B4GALT1: variants seen among roughly 807,000 people sequenced by gnomAD.
The protein encoded by B4GALT1 is beta-1,4-galactosyltransferase 1.
A neutral mutation model predicts 34.9 loss-of-function variants in B4GALT1; 16 were observed. That is an observed-to-expected ratio of 0.46 (90% CI 0.31 to 0.70). The LOEUF (loss-of-function observed/expected upper bound fraction) is 0.70. B4GALT1 is among the 30% of genes least tolerant of loss of function. The pLI, the probability that B4GALT1 is intolerant of heterozygous loss-of-function variation, is 0.05. For synonymous variants in B4GALT1, 221 were observed against 218.1 expected (o/e 1.01, Z -0.12); for missense variants, 445 against 530.5 (o/e 0.84, Z 1.58).
the B4GALT1 span, among the ~76,000 whole-genome samples, chr9:33,184,446 G>C: frequency 1.3e-5 from 2 of 152,128 alleles, no homozygotes; most frequent in Non-Finnish European, 2.9e-5. Flanking sequence ...AACTGCATTT[G>C]ATAAGCTCTG....
chr9:33,156,204 G>C (rs1840591524), intron 1 of B4GALT1, among the ~76,000 whole-genome samples: 1 of 151,990 alleles, frequency 6.6e-6, no homozygotes, highest in African/African-American at 2.4e-5. Context: ...CCTGATGTGG[G>C]CTCACTGCAA....
At chr9:33,137,214 G>A (rs1048023985) in intron 1 of B4GALT1, among the ~76,000 whole-genome samples, 1 of 152,202 alleles carries the variant, frequency 6.6e-6, no homozygotes, top group African/African-American at 2.4e-5. Context: ...AGCTCTGTCT[G>A]TCTCCCTCCC....
chr9:33,182,677 C>T, the B4GALT1 span, among the ~76,000 whole-genome samples: 13 of 152,268 alleles, frequency 8.5e-5, no homozygotes, highest in South Asian at 1.2e-3. Context: ...AACTTCTCCC[C>T]GCTATATTCA....
At chr9:33,158,905 G>T (rs1344918870) in intron 1 of B4GALT1, among the ~76,000 whole-genome samples, 1 of 152,228 alleles carries the variant, frequency 6.6e-6, no homozygotes, top group Non-Finnish European at 1.5e-5. Flanking sequence ...ATGAGGAAAT[G>T]AGTCCCTGTT....
chr9:33,115,259 A>G (rs1839922737), intron 4 of B4GALT1, among the ~76,000 whole-genome samples: 1 of 152,258 alleles, frequency 6.6e-6, no homozygotes, highest in South Asian at 2.1e-4. Context: ...ACTGCAATTT[A>G]GAAAGGCTGC....
intron 1 of B4GALT1, among the ~76,000 whole-genome samples, chr9:33,149,274 T>A (rs1564050272): frequency 6.6e-6 from 1 of 151,758 alleles, no homozygotes; most frequent in South Asian, 2.1e-4. Context: ...TAAAAAATTT[T>A]TTTATTTATT....
chr9:33,166,627 T>G, intron 1 of B4GALT1, 131 bp downstream of exon 1: 1 of 1,145,612 alleles, frequency 8.7e-7, no homozygotes, highest in Non-Finnish European at 1.2e-6. Context: ...TGTCTGGGAT[T>G]TAAAACTCTG....
chr9:33,178,931 G>A, the B4GALT1 span: 5 of 152,234 alleles, frequency 3.3e-5, no homozygotes, highest in African/African-American at 1.2e-4. Context: ...TCTGCTTAAG[G>A]ATGTAGTAGC....
downstream of B4GALT1, among the ~76,000 whole-genome samples, chr9:33,107,809 C>T (rs1025414333): frequency 1.3e-5 from 2 of 152,132 alleles, no homozygotes; most frequent in Non-Finnish European, 2.9e-5. Flanking sequence ...AAACCTCTTT[C>T]CCTCCCCAAG....
chr9:33,155,977 A>C (rs1263415051), intron 1 of B4GALT1, among the ~76,000 whole-genome samples: 3 of 152,298 alleles, frequency 2.0e-5, no homozygotes, highest in African/African-American at 7.2e-5. Context: ...CTCTGACCTA[A>C]TTCAGTGGGC....
At chr9:33,164,835 G>C (rs1473962074) in intron 1 of B4GALT1, among the ~76,000 whole-genome samples, 1 of 152,146 alleles carries the variant, frequency 6.6e-6, no homozygotes, top group Non-Finnish European at 1.5e-5. Flanking sequence ...TTCTGGCCTG[G>C]AGACTCAGTC....
intron 1 of B4GALT1, among the ~76,000 whole-genome samples, chr9:33,151,880 G>A (rs972398726): frequency 1.1e-4 from 17 of 152,172 alleles, no homozygotes; most frequent in African/African-American, 3.9e-4. Context: ...TTTTGCTGTC[G>A]AAGCCAAGTT....
chr9:33,150,233 T>TACACACACACACAC (rs10701535), intron 1 of B4GALT1, among the ~76,000 whole-genome samples: 18 of 138,170 alleles, frequency 1.3e-4, no homozygotes, highest in Middle Eastern at 3.5e-3. Flanking sequence ...TACAGGTAGA[T>TACACACACACACAC]ACACACACAC....
downstream of B4GALT1, among the ~76,000 whole-genome samples, chr9:33,106,033 T>G (rs943379766): frequency 2.6e-5 from 4 of 152,092 alleles, no homozygotes; most frequent in African/African-American, 9.7e-5. Context: ...TGGAGGAATT[T>G]CCATACCATT....
chr9:33,145,669 C>G (rs1237025504), intron 1 of B4GALT1, among the ~76,000 whole-genome samples: 1 of 152,136 alleles, frequency 6.6e-6, no homozygotes, highest in Non-Finnish European at 1.5e-5. Flanking sequence ...CAAGAACACC[C>G]TTGGATTGGC....
chr9:33,116,190 A>C, intron 3 of B4GALT1, 77 bp from the exon 4 acceptor site: 1 of 1,525,854 alleles, frequency 6.6e-7, no homozygotes, highest in African/African-American at 1.4e-5. Flanking sequence ...CTTGCTGAGA[A>C]CATAAACACT....
chr9:33,108,365 C>A (rs1414152202), downstream of B4GALT1, among the ~76,000 whole-genome samples: 1 of 150,612 alleles, frequency 6.6e-6, no homozygotes, highest in Non-Finnish European at 1.5e-5. Context: ...GCAATCCCAG[C>A]ACTTTGGGAG....
At chr9:33,135,605 G>A (rs1429044001) in intron 1 of B4GALT1, among the ~76,000 whole-genome samples, 181 bp from the exon 2 acceptor site, 1 of 152,218 alleles carries the variant, frequency 6.6e-6, no homozygotes, top group Non-Finnish European at 1.5e-5. Flanking sequence ...GCATTAGGGT[G>A]ACCAACCATC....
chr9:33,156,594 G>A (rs1352341561), intron 1 of B4GALT1, among the ~76,000 whole-genome samples: 1 of 152,172 alleles, frequency 6.6e-6, no homozygotes, highest in African/African-American at 2.4e-5. Context: ...TGCAGACTTT[G>A]GGCTATTGTA....
Sources: gnomAD v4.1 joint callset for allele counts (sites outside exome capture counted in the v4.1 genomes callset) on GRCh38, gnomAD v4.1.1 for gene constraint, MANE v1.5 for transcripts, NCBI Gene and HGNC (gene_info 2026-07-23, HGNC 2026-07-21) for gene names.